NCR1: variants seen among roughly 807,000 people sequenced by gnomAD.
The protein encoded by NCR1 is NK cell-activating receptor.
A neutral mutation model predicts 32.5 loss-of-function variants in NCR1; 30 were observed. The ratio of observed to expected loss-of-function variants is 0.92; its 90% CI spans 0.69 to 1.25. NCR1 has a LOEUF of 1.25. NCR1 is among the 50% of genes most tolerant of loss of function. The pLI is 0.00. For synonymous variants in NCR1, 169 were observed against 143.4 expected (o/e 1.18, Z -1.28); for missense variants, 369 against 380.7 (o/e 0.97, Z 0.26).
downstream of NCR1, chr19:54,916,053 G>T (rs1467140943): frequency 6.7e-6 from 1 of 150,184 alleles, no homozygotes; most frequent in Non-Finnish European, 1.5e-5. Context: ...ACAGCGAGCT[G>T]ATGCCGATCT....
At chr19:54,923,999 GCT>G in the NCR1 span, 1 of 1,009,884 alleles carries the variant, frequency 9.9e-7, no homozygotes, top group Non-Finnish European at 1.5e-6. Flanking sequence ...ACAGGGTCTT[GCT>G]CTGTTGCCCA....
chr19:54,906,760 G>A lies in NCR1; in HGVS notation c.308G>A (p.Gly103Glu). 3 of 1,614,202 alleles carry A rather than the reference G, an allele frequency of 1.9e-6. No individual in the cohort carries two copies. Among genetic ancestry groups the A allele is most frequent in the Non-Finnish European group, 2.5e-6 (3 of 1,180,026 alleles). The change falls in exon 3 of 7, where the codon GGG becomes GAG. Residue 103 changes from glycine to glutamate, a missense_variant. Gly to Glu is a moderately conservative substitution (Grantham distance 98). Coordinates refer to ENST00000291890, the MANE Select transcript of NCR1 (RefSeq NM_004829.7). ...CAATACAGCTGCATCTATCGGGTTG[G>A]GGAGCTCTGGTCAGAGCCCAGCAAC... ...AGQYSCIYRV[G>E]ELWSEPSNLL...
chr19:54,907,393 C>G (rs1301326452), intron 3 of NCR1, among the ~76,000 whole-genome samples: 1 of 149,672 alleles, frequency 6.7e-6, no homozygotes, highest in Non-Finnish European at 1.5e-5. Context: ...TCAGATGATC[C>G]GCCCGCCTCA....
intron 5 of NCR1, among the ~76,000 whole-genome samples, chr19:54,911,879 A>C (rs1332673812): frequency 6.6e-6 from 1 of 151,996 alleles, no homozygotes; most frequent in East Asian, 1.9e-4. Flanking sequence ...CTGTAGTCCC[A>C]GCTACTCCAG....
the NCR1 span, among the ~76,000 whole-genome samples, chr19:54,934,003 C>T: frequency 6.0e-3 from 914 of 152,244 alleles, 3 homozygotes; most frequent in Non-Finnish European, 9.6e-3. The surrounding 1 kb of genome is among the most constrained non-coding windows in gnomAD (Gnocchi z 6.7). Flanking sequence ...AGTGCAGTGG[C>T]GCGATCTCGG....
the NCR1 span, chr19:54,936,334 C>G: frequency 6.2e-7 from 1 of 1,614,070 alleles, no homozygotes; most frequent in Non-Finnish European, 8.5e-7. Context: ...CGTTCCCACT[C>G]GATGTGCCCT....
chr19:54,929,918 T>C, the NCR1 span, among the ~76,000 whole-genome samples: 1 of 140,316 alleles, frequency 7.1e-6, no homozygotes, highest in Non-Finnish European at 1.5e-5. Context: ...ATCGAGACCA[T>C]CCTGGCTAAC....
chr19:54,932,975 C>CA, the NCR1 span, among the ~76,000 whole-genome samples: 1 of 152,136 alleles, frequency 6.6e-6, no homozygotes, highest in Non-Finnish European at 1.5e-5. Flanking sequence ...CCACATAACT[C>CA]AATCTACCTC....
upstream of NCR1, among the ~76,000 whole-genome samples, chr19:54,901,318 G>GC (rs1290287468): frequency 7.9e-6 from 1 of 126,030 alleles, no homozygotes; most frequent in African/African-American, 3.2e-5. Flanking sequence ...CCGAGATTGC[G>GC]CCACTGCACT....
At chr19:54,932,264 C>T in the NCR1 span, among the ~76,000 whole-genome samples, 1 of 151,908 alleles carries the variant, frequency 6.6e-6, no homozygotes, top group Non-Finnish European at 1.5e-5. Flanking sequence ...CTCATCTCCA[C>T]TAAAAGTGCA....
At chr19:54,906,268 G>C (rs368063847) in intron 1 of NCR1, 31 bp from the exon 2 acceptor site, 15 of 1,614,060 alleles carry the variant, frequency 9.3e-6, no homozygotes, top group African/African-American at 2.7e-5. Context: ...GTGCCTGGGA[G>C]GCAACAGGTC....
At chr19:54,925,050 T>A in the NCR1 span, among the ~76,000 whole-genome samples, 4 of 152,154 alleles carry the variant, frequency 2.6e-5, no homozygotes, top group African/African-American at 9.7e-5. Context: ...GGCTGCAGCA[T>A]GCAAGCCTGT....
chr19:54,912,981 A>C lies in NCR1; in HGVS notation c.*110A>C, dbSNP rs1446476597. ...CGGAGGAGGGAGTCACTGCAGGGAAAGAGGGACACTGGCATTCCATTTGTC... is the reference window on the plus strand; with the variant it reads ...CGGAGGAGGGAGTCACTGCAGGGAACGAGGGACACTGGCATTCCATTTGTC... On this transcript the variant is annotated 3_prime_UTR_variant, in exon 7 of 7. Coordinates refer to ENST00000291890, the MANE Select transcript of NCR1 (RefSeq NM_004829.7). The C allele has an allele frequency of 1.0e-6, 1 of 1,000,720 alleles. No homozygotes were observed. The highest frequency in any genetic ancestry group is 2.6e-5 in the East Asian group (1 of 38,024). The allele number at this position is 1,000,720 out of a possible 1,614,324, so 62.0% of individuals were successfully genotyped here.
the NCR1 span, among the ~76,000 whole-genome samples, chr19:54,934,284 C>T: frequency 6.6e-6 from 1 of 152,078 alleles, no homozygotes; most frequent in Non-Finnish European, 1.5e-5. This position sits in a 1 kb window ranked among gnomAD's most constrained non-coding sequence, Gnocchi z 6.7. Flanking sequence ...ACCATGTTGG[C>T]CAGGTTGGTC....
intron 3 of NCR1, 64 bp from the exon 4 acceptor site, chr19:54,909,178 GAAA>G (rs371538113): frequency 1.6e-4 from 186 of 1,165,154 alleles, no homozygotes; most frequent in Non-Finnish European, 2.1e-4. Flanking sequence ...TCTAAAGAAA[GAAA>G]AAAAAAAATA....
At chr19:54,914,743 C>CTT (rs58541136), downstream of NCR1, among the ~76,000 whole-genome samples, 3,101 of 143,406 alleles carry the variant, frequency 0.022, 108 homozygotes, top group African/African-American at 0.075. Context: ...AAAGATAGCA[C>CTT]TTTTTTTTTT....
chr19:54,934,600 G>A, the NCR1 span: 1 of 1,614,112 alleles, frequency 6.2e-7, no homozygotes, highest in Non-Finnish European at 8.5e-7. This position sits in a 1 kb window ranked among gnomAD's most constrained non-coding sequence, Gnocchi z 6.7. Context: ...GGACTGGTTG[G>A]CTTTGAGGAC....
At chr19:54,919,404 A>C (rs1082840), downstream of NCR1, among the ~76,000 whole-genome samples, 6,996 of 151,956 alleles carry the variant, frequency 0.046, 118 homozygotes, top group African/African-American at 0.16. Flanking sequence ...TCCACTGGAC[A>C]GGGGGCCCTT....
the NCR1 span, among the ~76,000 whole-genome samples, chr19:54,899,310 G>T: frequency 6.6e-6 from 1 of 152,152 alleles, no homozygotes; most frequent in African/African-American, 2.4e-5. Context: ...TTTAGGTCAG[G>T]TGTGAGTTGA....
Sources: allele counts gnomAD v4.1 joint callset (sites outside exome capture counted in the v4.1 genomes callset), GRCh38; gene constraint gnomAD v4.1.1; non-coding constraint Gnocchi (gnomAD v3.1); transcripts MANE v1.5; gene names NCBI Gene and HGNC (gene_info 2026-07-23, HGNC 2026-07-21).